SGCZ: variants seen among roughly 807,000 people sequenced by gnomAD.
SGCZ encodes zeta-sarcoglycan.
Under a neutral mutation model 41.3 loss-of-function variants are expected in SGCZ, and 40 were observed. The observed-to-expected ratio is 0.97, with a 90% CI of 0.75 to 1.26. The LOEUF (loss-of-function observed/expected upper bound fraction) is 1.26, where lower values mean the gene tolerates loss of function less well. Ranked by LOEUF, SGCZ falls within the 50% of genes most tolerant of loss-of-function variation. The pLI is 0.00. For synonymous variants in SGCZ, 206 were observed against 137.5 expected, an observed-to-expected ratio of 1.50 and a Z score of -3.49; for missense variants, 552 against 369.8, an observed-to-expected ratio of 1.49 and a Z score of -4.04.
rs185257393 is a variant in SGCZ, at chr8:14,242,703, T to C, written c.337-5024A>G. The stretch of plus-strand genomic sequence containing the variant: ...ATCACTCTTGTTTCACAAATAAGTA[T>C]AGTACAAAAAGATTAAGTCACTTCC... On this transcript the variant is annotated intron_variant, in intron 3 of 7. Coordinates refer to ENST00000382080, the MANE Select transcript of SGCZ (RefSeq NM_139167.4). Among the ~76,000 whole-genome samples, 263 of 152,262 alleles carry C rather than the reference T, an allele frequency of 1.7e-3. 1 individual carries two copies. Among genetic ancestry groups the C allele is most frequent in the Non-Finnish European group, 3.1e-3 (210 of 68,008 alleles).
chr8:14,570,538 T>G lies in SGCZ; in HGVS notation c.40-15612A>C, dbSNP rs576681093. Among the ~76,000 whole-genome samples the G allele has an allele frequency of 2.0e-5, 3 of 152,318 alleles. No homozygotes were observed. The East Asian group carries it at 5.8e-4, about 29-fold the overall frequency. On this transcript the variant is annotated intron_variant, in intron 1 of 7. Transcript: ENST00000382080. ...TAACAGCTTATCTAAGATATAAATA[T>G]TTTTTCATAGAGCTTTTCCTTCTTC... is the stretch of plus-strand genomic sequence containing the variant.
intron 1 of SGCZ, among the ~76,000 whole-genome samples, chr8:15,230,736 G>T (rs1427905260): frequency 6.6e-6 from 1 of 152,128 alleles, no homozygotes; most frequent in Non-Finnish European, 1.5e-5. Context: ...AGAGGCCAAA[G>T]GCAAGTATGG....
At chr8:14,238,207 G>A (rs1047187707) in intron 3 of SGCZ, among the ~76,000 whole-genome samples, 4 of 152,064 alleles carry the variant, frequency 2.6e-5, no homozygotes, top group African/African-American at 7.2e-5. Context: ...TGTCTATCTG[G>A]GATTTTTTTG....
At chr8:14,738,348 A>G (rs559636444) in intron 1 of SGCZ, among the ~76,000 whole-genome samples, 5 of 152,034 alleles carry the variant, frequency 3.3e-5, no homozygotes, top group Admixed American at 2.0e-4. Context: ...ATCATGTGTG[A>G]TCTAAACCAC....
intron 2 of SGCZ, among the ~76,000 whole-genome samples, chr8:14,484,177 A>G (rs1360175220): frequency 2.0e-5 from 3 of 152,180 alleles, no homozygotes; most frequent in Non-Finnish European, 4.4e-5. Context: ...AGATTATGAA[A>G]CTAGCTATAC....
intron 1 of SGCZ, among the ~76,000 whole-genome samples, chr8:15,056,572 T>G (rs536576843): frequency 6.6e-6 from 1 of 151,968 alleles, no homozygotes; most frequent in Admixed American, 6.6e-5. Flanking sequence ...GAAATGATAG[T>G]GTCTAAATGT....
chr8:14,192,562 C>A (rs1349749079), intron 4 of SGCZ, among the ~76,000 whole-genome samples: 1 of 151,806 alleles, frequency 6.6e-6, no homozygotes, highest in Non-Finnish European at 1.5e-5. Context: ...AGTTTTTATT[C>A]AAGAGTTCTA....
At chr8:14,670,509 T>C (rs894011448) in intron 1 of SGCZ, among the ~76,000 whole-genome samples, 1 of 152,196 alleles carries the variant, frequency 6.6e-6, no homozygotes, top group African/African-American at 2.4e-5. Flanking sequence ...TAGTCTGTTA[T>C]TATACTAAGA....
intron 5 of SGCZ, among the ~76,000 whole-genome samples, chr8:14,139,462 G>A (rs564746170): frequency 1.5e-4 from 23 of 151,752 alleles, no homozygotes; most frequent in African/African-American, 5.5e-4. Context: ...TAATAAAGAA[G>A]AAAAGAAGAA....
intron 1 of SGCZ, among the ~76,000 whole-genome samples, chr8:15,057,162 T>A (rs1247874133): frequency 6.6e-6 from 1 of 152,164 alleles, no homozygotes; most frequent in Non-Finnish European, 1.5e-5. Flanking sequence ...GGGAAGAACA[T>A]ATGGGAAGTA....
intron 2 of SGCZ, among the ~76,000 whole-genome samples, chr8:14,383,534 A>T (rs1804448906): frequency 2.0e-5 from 3 of 152,240 alleles, no homozygotes; most frequent in Admixed American, 2.0e-4. Context: ...GCCTCACAAT[A>T]ATACCAATGG....
At chr8:15,222,155 T>C (rs946210958) in intron 1 of SGCZ, among the ~76,000 whole-genome samples, 1 of 152,204 alleles carries the variant, frequency 6.6e-6, no homozygotes, top group African/African-American at 2.4e-5. Flanking sequence ...GCAAGTTATA[T>C]TATCAAAGCA....
chr8:14,174,957 C>G (rs1031543264), intron 4 of SGCZ, among the ~76,000 whole-genome samples: 1 of 152,092 alleles, frequency 6.6e-6, no homozygotes, highest in African/African-American at 2.4e-5. Context: ...TTTGCAAGGA[C>G]AGGGGTCATA....
intron 2 of SGCZ, among the ~76,000 whole-genome samples, chr8:14,519,591 G>C (rs1224648673): frequency 6.6e-6 from 1 of 151,946 alleles, no homozygotes; most frequent in Non-Finnish European, 1.5e-5. Context: ...GTTAGTGATG[G>C]GTAGTGTGCT....
At chr8:14,270,365 C>T (rs905515267) in intron 3 of SGCZ, among the ~76,000 whole-genome samples, 62 of 151,712 alleles carry the variant, frequency 4.1e-4, no homozygotes, top group Middle Eastern at 3.2e-3. Context: ...TAAATCTAAA[C>T]GATATGTACA....
chr8:14,903,033 G>A (rs1799017974), intron 1 of SGCZ, among the ~76,000 whole-genome samples: 1 of 152,066 alleles, frequency 6.6e-6, no homozygotes. Flanking sequence ...AAATAGCTCT[G>A]AAGCCCCTTC....
intron 1 of SGCZ, among the ~76,000 whole-genome samples, chr8:14,917,294 G>A (rs1323570374): frequency 9.1e-6 from 1 of 110,078 alleles, no homozygotes; most frequent in Non-Finnish European, 1.8e-5. Flanking sequence ...CCAGTAACAA[G>A]TTAGCCTATT....
rs1464681683 is a variant in SGCZ at position 15,019,867 on chromosome 8, C to T, written c.39+217718G>A. 4.7e-5 allele frequency among the ~76,000 whole-genome samples: 7 copies of T among 148,602 alleles called. No homozygotes were observed. In the South Asian group the frequency reaches 8.9e-4, roughly 19 times the overall value. On this transcript the variant is annotated intron_variant, in intron 1 of 7. Transcript: ENST00000382080. ...AGTTCTGCTTCGGACATACTAGATT[C>T]GAAAGACAGTTTTCTGGGTATTCAA... is the stretch of plus-strand genomic sequence containing the variant.
intron 2 of SGCZ, chr8:14,332,574 A>T (rs1318619123): frequency 6.6e-6 from 1 of 152,142 alleles, no homozygotes; most frequent in African/African-American, 2.4e-5. Context: ...GAAGGTAGTG[A>T]GTTATCTCAA....
Sources: allele counts gnomAD v4.1 joint callset (sites outside exome capture counted in the v4.1 genomes callset), GRCh38; gene constraint gnomAD v4.1.1; transcripts MANE v1.5; gene names NCBI Gene and HGNC (gene_info 2026-07-23, HGNC 2026-07-21).